NRP1: variants seen among roughly 807,000 people sequenced by gnomAD.
NRP1 encodes neuropilin-1.
A neutral mutation model predicts 106.7 loss-of-function variants in NRP1; 35 were observed. The ratio of observed to expected loss-of-function variants is 0.33; its 90% CI spans 0.25 to 0.43. The LOEUF (loss-of-function observed/expected upper bound fraction) is 0.43. Ranked by LOEUF, NRP1 falls within the 20% of genes least tolerant of loss-of-function variation. NRP1 has a pLI of 1.00. For missense variants in NRP1, 1,024 were observed against 1,170.4 expected, an observed-to-expected ratio of 0.87 and a Z score of 1.83; for synonymous variants, 437 against 417.9, an observed-to-expected ratio of 1.05 and a Z score of -0.56.
Position 33,334,429 on chromosome 10 carries a change from G to A in NRP1, c.-47C>T. ...GGCAGACGCGGGAGAACGAGGACGT[G>A]GGGGGAAATGCAGCAAAGAGGAGAA... On this transcript the variant is annotated 5_prime_UTR_variant, in exon 1 of 17. Coordinates refer to ENST00000374867, the MANE Select transcript of NRP1 (RefSeq NM_003873.7). The A allele has an allele frequency of 6.7e-7, 1 of 1,482,230 alleles. No individual in the cohort carries two copies. Among genetic ancestry groups the A allele is most frequent in the Non-Finnish European group, 9.1e-7 (1 of 1,094,424 alleles). 91.8% of individuals were successfully genotyped at this position (1,482,230 alleles called of 1,614,324 possible). A position where few individuals can be genotyped will look rare whatever the true frequency, so the allele number is the denominator to read the frequency against.
At chr10:33,292,371 C>T (rs1376152480) in intron 2 of NRP1, among the ~76,000 whole-genome samples, 1 of 152,180 alleles carries the variant, frequency 6.6e-6, no homozygotes, top group Non-Finnish European at 1.5e-5. Flanking sequence ...ATATCAAACT[C>T]TTGATTGTAG....
At chr10:33,231,327 A>C (rs1373916203) in intron 6 of NRP1, among the ~76,000 whole-genome samples, 3 of 152,232 alleles carry the variant, frequency 2.0e-5, no homozygotes, top group Non-Finnish European at 4.4e-5. Context: ...CATAAAATGC[A>C]GTAAAGATGA....
rs748317563 is a variant in NRP1, at chr10:33,203,013, G to A, written c.1760-18C>T. ...TGTAGGGGCTGAAACAAGATCCAAG[G>A]ATTATTATCTCACACCTTGGAAATG... On this transcript the variant is annotated intron_variant, in intron 10 of 16. Transcript: ENST00000374867. 6.9e-6 allele frequency: 11 copies of A among 1,600,174 alleles called. No homozygotes were observed. Among genetic ancestry groups the A allele is most frequent in the Non-Finnish European group, 9.4e-6 (11 of 1,172,328 alleles).
At chr10:33,256,043 T>C (rs893092162) in intron 5 of NRP1, among the ~76,000 whole-genome samples, 1 of 152,182 alleles carries the variant, frequency 6.6e-6, no homozygotes, top group Non-Finnish European at 1.5e-5. Flanking sequence ...TAGTCACATT[T>C]CATTGTTTCA....
At chr10:33,223,701 G>A (rs1306531148) in intron 7 of NRP1, among the ~76,000 whole-genome samples, 1 of 152,152 alleles carries the variant, frequency 6.6e-6, no homozygotes, top group Non-Finnish European at 1.5e-5. Context: ...ATTTATCCCA[G>A]CCTGTGATGG....
chr10:33,315,507 T>C (rs922127839), intron 2 of NRP1, among the ~76,000 whole-genome samples: 2 of 152,204 alleles, frequency 1.3e-5, no homozygotes, highest in East Asian at 1.9e-4. Context: ...TGGATGTCCA[T>C]TGGCCAATTC....
rs751816592 is a variant in NRP1 at position 33,186,202 on chromosome 10, G to C, written c.2334+15C>G. ...TGCAGCCACTGCCCTCCCCAGCCTT[G>C]GGAAGAGGTCATACCTGATAAAGTT... On this transcript the variant is annotated intron_variant, in intron 14 of 16. Coordinates refer to ENST00000374867, the MANE Select transcript of NRP1 (RefSeq NM_003873.7). 17 of 1,568,782 alleles carry C rather than the reference G, an allele frequency of 1.1e-5. No homozygotes were observed. The highest frequency in any genetic ancestry group is 1.8e-4 in the Middle Eastern group (1 of 5,610).
chr10:33,182,897 A>C, intron 15 of NRP1, 149 bp from the exon 16 acceptor site: 1 of 697,952 alleles, frequency 1.4e-6, no homozygotes, highest in Non-Finnish European at 2.5e-6. Context: ...TTTTTAGTTC[A>C]ATCAGAAATC....
rs547974615 is a variant in NRP1, at chr10:33,260,134, G to C, written c.658+3512C>G. 2.0e-5 allele frequency among the ~76,000 whole-genome samples: 3 copies of C among 152,238 alleles called. No homozygotes were observed. In the East Asian group the frequency reaches 5.8e-4, roughly 29 times the overall value. Reference sequence around the variant, plus strand: ...CCACCTAGGCCTCCCAAAGTGATGGGATTACAGGAGTAAGCCACCACACCT... The same window carrying C: ...CCACCTAGGCCTCCCAAAGTGATGGCATTACAGGAGTAAGCCACCACACCT... On this transcript the variant is annotated intron_variant, in intron 4 of 16. Coordinates refer to ENST00000374867, the MANE Select transcript of NRP1 (RefSeq NM_003873.7).
intron 2 of NRP1, among the ~76,000 whole-genome samples, chr10:33,322,192 T>C (rs1235798344): frequency 1.3e-5 from 2 of 152,254 alleles, no homozygotes; most frequent in Non-Finnish European, 2.9e-5. Context: ...CAGTGGTATC[T>C]AATATGCCCT....
chr10:33,286,089 C>G (rs747198135), intron 2 of NRP1, among the ~76,000 whole-genome samples: 11 of 152,084 alleles, frequency 7.2e-5, no homozygotes, highest in African/African-American at 2.7e-4. Context: ...TTATCTGCAC[C>G]GTGATTTCAC....
chr10:33,258,796 C>A (rs1337201887), intron 4 of NRP1, among the ~76,000 whole-genome samples: 1 of 152,068 alleles, frequency 6.6e-6, no homozygotes, highest in Non-Finnish European at 1.5e-5. Context: ...CCATAACATA[C>A]ACATGAAAAT....
chr10:33,304,352 C>A (rs531854609), intron 2 of NRP1, among the ~76,000 whole-genome samples: 1 of 152,206 alleles, frequency 6.6e-6, no homozygotes, highest in African/African-American at 2.4e-5. Flanking sequence ...GGAGGAAAAC[C>A]AATACTACCA....
At chr10:33,306,591 C>T (rs189226696) in intron 2 of NRP1, among the ~76,000 whole-genome samples, 470 of 133,892 alleles carry the variant, frequency 3.5e-3, no homozygotes, top group Non-Finnish European at 5.6e-3. Context: ...CTAATTAAGA[C>T]ATATTATTTC....
chr10:33,319,002 C>CTTTTT (rs36010472), intron 2 of NRP1, among the ~76,000 whole-genome samples: 38 of 90,758 alleles, frequency 4.2e-4, no homozygotes, highest in East Asian at 1.1e-3. Flanking sequence ...TCTTTTCTTT[C>CTTTTT]TTTTTTTTTT....
intron 7 of NRP1, 141 bp downstream of exon 7, chr10:33,225,992 AT>A: frequency 1.1e-6 from 1 of 914,926 alleles, no homozygotes; most frequent in Non-Finnish European, 1.6e-6. Flanking sequence ...CCTTGGTTAG[AT>A]TTAAACCTCT....
In NRP1 at chr10:33,226,260, C is replaced by T. The variant is rs145116269; in HGVS notation, c.1011G>A (p.Thr337=). 1.7e-4 allele frequency: 274 copies of T among 1,614,096 alleles called. 8 individuals are homozygous for T. The South Asian group carries it at 2.1e-3, about 12-fold the overall frequency. ...AAATGGCGCCCTGTGTCCCGACAGC[C>T]GTGACAAAGCGCAGAAGGCCCAAGT... ...QVDLGLLRFV[T]AVGTQGAISK... Residue 337 remains threonine (T), a synonymous_variant, in exon 7 of 17, where the codon ACG becomes ACA. Coordinates refer to ENST00000374867, the MANE Select transcript of NRP1 (RefSeq NM_003873.7).
At chr10:33,324,644 T>TC (rs2132915383) in intron 2 of NRP1, among the ~76,000 whole-genome samples, 1 of 151,448 alleles carries the variant, frequency 6.6e-6, no homozygotes, top group African/African-American at 2.5e-5. Context: ...CCCACAGGCT[T>TC]CTTTTTTTTG....
At chr10:33,323,869 T>C (rs898314988) in intron 2 of NRP1, among the ~76,000 whole-genome samples, 2 of 152,196 alleles carry the variant, frequency 1.3e-5, no homozygotes, top group Non-Finnish European at 2.9e-5. Flanking sequence ...TATCAAGTTT[T>C]ATGCTGGAAA....
Sources: allele counts gnomAD v4.1 joint callset (sites outside exome capture counted in the v4.1 genomes callset), GRCh38; gene constraint gnomAD v4.1.1; transcripts MANE v1.5; gene names NCBI Gene and HGNC (gene_info 2026-07-23, HGNC 2026-07-21).